The following WDR93 variants were observed in gnomAD, a reference collection of about 807,000 sequenced individuals.
WDR93 encodes WD repeat domain 93.
In WDR93, 73 loss-of-function variants were observed where a neutral mutation model predicts 82.9. The observed-to-expected ratio is 0.88, with a 90% CI of 0.73 to 1.07. The LOEUF is 1.07. Ranked by LOEUF, WDR93 falls within the 50% of genes least tolerant of loss-of-function variation. The probability of loss-of-function intolerance (pLI) is 0.00; values close to 1 mark genes in which losing one functional copy is unlikely to be tolerated. For missense variants in WDR93, 738 were observed against 826.0 expected (o/e 0.89, Z 1.31); for synonymous variants, 283 against 300.1 (o/e 0.94, Z 0.59).
rs1415737062 is a variant in WDR93, at chr15:89,731,432, C to T, written c.1211-11C>T. On this transcript the variant is annotated splice_polypyrimidine_tract_variant and intron_variant, in intron 11 of 16. Coordinates refer to ENST00000268130, the MANE Select transcript of WDR93 (RefSeq NM_020212.2). The stretch of plus-strand genomic sequence containing the variant: ...CTGGGGGAACCGGTTGAGTATTGTC[C>T]TTCCCCCTAGACCCCGAGGGTGTGT... The T allele has an allele frequency of 6.2e-7, 1 of 1,613,952 alleles. No individual in the cohort carries two copies. The highest frequency in any genetic ancestry group is 8.5e-7 in the Non-Finnish European group (1 of 1,179,908).
At chr15:89,721,135 G>A (rs538141826) in intron 7 of WDR93, 3 of 152,044 alleles carry the variant, frequency 2.0e-5, no homozygotes, top group Non-Finnish European at 4.4e-5. Context: ...GGCCACCCAA[G>A]CTTTCTTTTG....
At chr15:89,724,589 A>C (rs1966657808) in intron 8 of WDR93, among the ~76,000 whole-genome samples, 2 of 152,232 alleles carry the variant, frequency 1.3e-5, no homozygotes, top group Admixed American at 1.3e-4. Flanking sequence ...TCCAGAATAT[A>C]TGAAGAATTA....
intron 1 of WDR93, among the ~76,000 whole-genome samples, chr15:89,696,058 T>A (rs1965156349): frequency 6.6e-6 from 1 of 151,870 alleles, no homozygotes; most frequent in Non-Finnish European, 1.5e-5. Context: ...CTCAAGTGAT[T>A]CACCCGCCTT....
At chr15:89,703,788 G>A (rs999354794) in intron 3 of WDR93, 5 of 153,082 alleles carry the variant, frequency 3.3e-5, no homozygotes, top group African/African-American at 1.2e-4. Flanking sequence ...GGCAGGCAGA[G>A]CGGAAAGTGC....
At chr15:89,736,645 G>GA (rs1422291849) in intron 14 of WDR93, among the ~76,000 whole-genome samples, 1 of 152,088 alleles carries the variant, frequency 6.6e-6, no homozygotes, top group Non-Finnish European at 1.5e-5. Flanking sequence ...CTGTGCTGCA[G>GA]AAAAACCAAG....
intron 5 of WDR93, among the ~76,000 whole-genome samples, chr15:89,713,908 C>T (rs921781860): frequency 6.6e-6 from 1 of 152,102 alleles, no homozygotes. Flanking sequence ...CCTCAGAGTC[C>T]TAGAGGCCAG....
intron 1 of WDR93, among the ~76,000 whole-genome samples, chr15:89,692,599 G>A (rs951006010): frequency 1.3e-5 from 2 of 152,082 alleles, no homozygotes; most frequent in African/African-American, 4.8e-5. Context: ...ACACAGATGT[G>A]TATCATCTGT....
intron 7 of WDR93, chr15:89,721,234 T>C (rs1966512023): frequency 6.6e-6 from 1 of 152,226 alleles, no homozygotes; most frequent in African/African-American, 2.4e-5. Flanking sequence ...TTCTTCTTTT[T>C]CCCTATGGTT....
chr15:89,725,559 T>C (rs900790326), intron 8 of WDR93, among the ~76,000 whole-genome samples: 1 of 137,276 alleles, frequency 7.3e-6, no homozygotes. Flanking sequence ...TTTTTTTTTC[T>C]TTTTTCTTTT....
chr15:89,740,579 G>A (rs1240425678), intron 16 of WDR93, among the ~76,000 whole-genome samples: 1 of 152,112 alleles, frequency 6.6e-6, no homozygotes, highest in Non-Finnish European at 1.5e-5. Context: ...TCGGCTCACT[G>A]CAACCTCTGC....
intron 16 of WDR93, among the ~76,000 whole-genome samples, chr15:89,742,415 GCC>G (rs150196655): frequency 0.012 from 1,809 of 151,928 alleles, 35 homozygotes; most frequent in African/African-American, 0.042. Flanking sequence ...CCCACTGACA[GCC>G]CCCCCTCCAC....
intron 4 of WDR93, among the ~76,000 whole-genome samples, chr15:89,710,404 A>G (rs1314171886): frequency 6.6e-6 from 1 of 152,214 alleles, no homozygotes; most frequent in Admixed American, 6.5e-5. Context: ...TTAGCGATGG[A>G]AAGCAGAACA....
chr15:89,699,673 A>G (rs1965361956), intron 1 of WDR93, among the ~76,000 whole-genome samples: 1 of 150,510 alleles, frequency 6.6e-6, no homozygotes, highest in Admixed American at 6.6e-5. Flanking sequence ...TTTTGTTTCT[A>G]TTGCTGTGTC....
chr15:89,718,274 G>A (rs576927363), intron 7 of WDR93, among the ~76,000 whole-genome samples: 29 of 152,316 alleles, frequency 1.9e-4, no homozygotes, highest in Admixed American at 1.2e-3. Flanking sequence ...AGGAGTTTGA[G>A]ACCAGCCTGA....
chr15:89,717,103 A>G (rs1202551318), intron 7 of WDR93, among the ~76,000 whole-genome samples, 154 bp downstream of exon 7: 2 of 111,488 alleles, frequency 1.8e-5, no homozygotes, highest in Non-Finnish European at 3.4e-5. Flanking sequence ...CTTGTTGCTC[A>G]GGCTGGAGTG....
At chr15:89,724,071 G>C (rs748409114) in intron 8 of WDR93, among the ~76,000 whole-genome samples, 89 of 152,036 alleles carry the variant, frequency 5.9e-4, no homozygotes, top group South Asian at 1.2e-3. Context: ...GCGTGATGGC[G>C]TGCACCTGTA....
intron 11 of WDR93, among the ~76,000 whole-genome samples, chr15:89,730,713 T>C (rs1201341762): frequency 1.3e-5 from 2 of 151,902 alleles, no homozygotes; most frequent in South Asian, 2.1e-4. Flanking sequence ...CTGGGCAACA[T>C]AGGAGACCCT....
chr15:89,694,460 C>T (rs1596060160), intron 1 of WDR93, among the ~76,000 whole-genome samples: 1 of 152,242 alleles, frequency 6.6e-6, no homozygotes, highest in East Asian at 1.9e-4. Flanking sequence ...TGGTCTCGCT[C>T]TCCTGACCTC....
intron 1 of WDR93, among the ~76,000 whole-genome samples, chr15:89,699,611 C>G (rs1261657559): frequency 1.6e-5 from 2 of 126,638 alleles, no homozygotes; most frequent in Non-Finnish European, 3.5e-5. Context: ...TTCAAATGAT[C>G]TCACACCTCA....
Sources: gnomAD v4.1 joint callset for allele counts (sites outside exome capture counted in the v4.1 genomes callset) on GRCh38, gnomAD v4.1.1 for gene constraint, MANE v1.5 for transcripts, NCBI Gene and HGNC (gene_info 2026-07-23, HGNC 2026-07-21) for gene names.